Variants in PCDH15 observed in about 807,000 individuals in gnomAD.
The protein encoded by PCDH15 is protocadherin related 15.
A neutral mutation model predicts 178.5 loss-of-function variants in PCDH15; 129 were observed. That is an observed-to-expected ratio of 0.72 (90% CI 0.63 to 0.84). The LOEUF (loss-of-function observed/expected upper bound fraction) is 0.84, where lower values mean the gene tolerates loss of function less well. Among genes scored for constraint, PCDH15 ranks in the 40% least tolerant of loss-of-function variants. PCDH15 has a pLI of 0.00. For missense variants in PCDH15, 2,230 were observed against 2,099.9 expected (o/e 1.06, Z -1.21); for synonymous variants, 800 against 732.0 (o/e 1.09, Z -1.50).
chr10:55,398,170 C>CA (rs11423297), intron 2 of PCDH15, among the ~76,000 whole-genome samples: 37,566 of 145,576 alleles, frequency 0.26, 4,901 homozygotes, highest in Middle Eastern at 0.3. Context: ...TCTGTTTTAC[C>CA]AAAAAAAAAA....
intron 3 of PCDH15, among the ~76,000 whole-genome samples, chr10:54,422,306 T>A (rs1350036071): frequency 6.6e-6 from 1 of 152,082 alleles, no homozygotes; most frequent in Non-Finnish European, 1.5e-5. Flanking sequence ...TATGCTTCAA[T>A]TTCCTCATCT....
chr10:54,402,677 G>A (rs1952082598), intron 3 of PCDH15, among the ~76,000 whole-genome samples: 1 of 151,800 alleles, frequency 6.6e-6, no homozygotes, highest in Non-Finnish European at 1.5e-5. Context: ...TGTAATCAGT[G>A]GTTTTTACTA....
At chr10:55,409,709 A>G (rs929625825) in intron 2 of PCDH15, among the ~76,000 whole-genome samples, 1 of 152,166 alleles carries the variant, frequency 6.6e-6, no homozygotes, top group Non-Finnish European at 1.5e-5. Flanking sequence ...GCAGTTACAG[A>G]AAGTAAAAAC....
intron 1 of PCDH15, among the ~76,000 whole-genome samples, chr10:54,715,334 A>T (rs1331016029): frequency 1.3e-5 from 2 of 152,188 alleles, no homozygotes; most frequent in Non-Finnish European, 2.9e-5. Flanking sequence ...TTATTCCCCC[A>T]AGTGTAGATT....
chr10:54,546,051 T>G (rs1359920571), intron 2 of PCDH15, among the ~76,000 whole-genome samples: 1 of 152,216 alleles, frequency 6.6e-6, no homozygotes, highest in East Asian at 1.9e-4. Context: ...CAACACCAGG[T>G]TATGATAGTT....
At chr10:54,297,215 T>C (rs142493196) in intron 8 of PCDH15, among the ~76,000 whole-genome samples, 2,156 of 152,190 alleles carry the variant, frequency 0.014, 47 homozygotes, top group African/African-American at 0.049. Flanking sequence ...GTCTTTCAGA[T>C]GGGAAACACT....
intron 1 of PCDH15, among the ~76,000 whole-genome samples, chr10:54,694,581 G>C (rs1289913359): frequency 6.6e-6 from 1 of 151,750 alleles, no homozygotes; most frequent in Non-Finnish European, 1.5e-5. Flanking sequence ...TCTATGTTTT[G>C]GAAATTATCA....
At chr10:55,254,759 A>C (rs908429339) in intron 1 of PCDH15, among the ~76,000 whole-genome samples, 2 of 152,190 alleles carry the variant, frequency 1.3e-5, no homozygotes, top group Non-Finnish European at 2.9e-5. Flanking sequence ...TGTGAAGCTT[A>C]TGTAATTTGA....
At chr10:55,428,312 T>A (rs977574388) in intron 2 of PCDH15, among the ~76,000 whole-genome samples, 2 of 152,134 alleles carry the variant, frequency 1.3e-5, no homozygotes, top group African/African-American at 2.4e-5. Context: ...TTCTGTAATA[T>A]CTATCAGTTA....
chr10:53,903,061 T>C (rs1465896654), intron 26 of PCDH15, among the ~76,000 whole-genome samples, 182 bp downstream of exon 26: 2 of 152,246 alleles, frequency 1.3e-5, no homozygotes, highest in East Asian at 3.9e-4. Flanking sequence ...CTCAAGAAGT[T>C]GCTTAGTGTT....
chr10:55,010,150 T>A (rs1840017790), intron 2 of PCDH15, among the ~76,000 whole-genome samples: 1 of 152,092 alleles, frequency 6.6e-6, no homozygotes, highest in Non-Finnish European at 1.5e-5. Flanking sequence ...AGAAACCCAT[T>A]ATGCACCAGC....
At chr10:54,460,847 G>A (rs925899664) in intron 3 of PCDH15, among the ~76,000 whole-genome samples, 1 of 152,054 alleles carries the variant, frequency 6.6e-6, no homozygotes, top group Non-Finnish European at 1.5e-5. Flanking sequence ...ACTCCAACGT[G>A]GGAGAGTGTT....
intron 34 of PCDH15, among the ~76,000 whole-genome samples, chr10:53,817,016 G>A (rs1157253506): frequency 6.6e-6 from 1 of 152,134 alleles, no homozygotes; most frequent in East Asian, 1.9e-4. Context: ...TAACTCTTTG[G>A]AGGGAAAACA....
intron 2 of PCDH15, among the ~76,000 whole-genome samples, chr10:55,347,990 A>T (rs951390584): frequency 6.6e-6 from 1 of 152,068 alleles, no homozygotes; most frequent in South Asian, 2.1e-4. Flanking sequence ...AGGTCTTTGA[A>T]GTCTGCTTGG....
At chr10:55,378,339 A>G (rs1434828982) in intron 2 of PCDH15, among the ~76,000 whole-genome samples, 1 of 152,152 alleles carries the variant, frequency 6.6e-6, no homozygotes, top group Non-Finnish European at 1.5e-5. Context: ...CAAAGAAGGG[A>G]GAATGAGATG....
At chr10:54,413,543 AAG>A (rs1449358631) in intron 3 of PCDH15, among the ~76,000 whole-genome samples, 2 of 152,200 alleles carry the variant, frequency 1.3e-5, no homozygotes, top group Non-Finnish European at 2.9e-5. Context: ...GATAAAAAGT[AAG>A]AGATCTATTG....
At chr10:55,504,402 C>T (rs1272659846) in intron 2 of PCDH15, among the ~76,000 whole-genome samples, 4 of 151,304 alleles carry the variant, frequency 2.6e-5, no homozygotes, top group Admixed American at 2.0e-4. Flanking sequence ...AAAGTGCTCA[C>T]ATATTGTAAA....
At chr10:55,585,760 T>C (rs1564467347) in intron 2 of PCDH15, among the ~76,000 whole-genome samples, 1 of 152,066 alleles carries the variant, frequency 6.6e-6, no homozygotes, top group Non-Finnish European at 1.5e-5. Context: ...TATGTGTGTG[T>C]GTATATATAT....
intron 25 of PCDH15, among the ~76,000 whole-genome samples, chr10:53,906,492 C>T (rs1299436685): frequency 6.6e-6 from 1 of 152,064 alleles, no homozygotes; most frequent in African/African-American, 2.4e-5. Flanking sequence ...GGTAATTTTT[C>T]CGCTCAGATA....
Sources: gnomAD v4.1 joint callset for allele counts (sites outside exome capture counted in the v4.1 genomes callset) on GRCh38, gnomAD v4.1.1 for gene constraint, MANE v1.5 for transcripts, NCBI Gene and HGNC (gene_info 2026-07-23, HGNC 2026-07-21) for gene names.